ZDBF2: variants seen among roughly 807,000 people sequenced by gnomAD.
The protein encoded by ZDBF2 is zinc finger DBF-type containing 2, also known as DBF4-type zinc finger-containing protein 2.
In ZDBF2, 6 loss-of-function variants were observed where a neutral mutation model predicts 9.4. That is an observed-to-expected ratio of 0.64 (90% CI 0.35 to 1.27). The LOEUF (loss-of-function observed/expected upper bound fraction) is 1.27, where lower values mean the gene tolerates loss of function less well. Among genes scored for constraint, ZDBF2 ranks in the 50% most tolerant of loss-of-function variants. The pLI is 0.03. For synonymous variants in ZDBF2, 905 were observed against 946.3 expected, an observed-to-expected ratio of 0.96 and a Z score of 0.80; for missense variants, 2,697 against 2,766.8, an observed-to-expected ratio of 0.97 and a Z score of 0.57.
Position 206,306,916 on chromosome 2 carries a change from T to G in ZDBF2, c.2388T>G (p.Ile796Met). The G allele has an allele frequency of 6.2e-7, 1 of 1,613,748 alleles. No homozygotes were observed. Among genetic ancestry groups the G allele is most frequent in the Non-Finnish European group, 8.5e-7 (1 of 1,179,784 alleles). Residue 796 changes from isoleucine to methionine, a missense_variant, in exon 5 of 5, where the codon ATT becomes ATG. Physicochemically the swap from Ile to Met is conservative, Grantham distance 10 (BLOSUM62 1). This residue lies in a region of ZDBF2 where 910 missense variants were observed against 973.6 expected (regional missense o/e 0.93). Transcript: ENST00000374423. ...CTGAAATAACTTTTGATTCTGATAT[T>G]CCTCTTTATTCAGTAATTGACCAAC... ...DSSEITFDSDIPLYSVIDQPE... is the reference protein window; with the variant it reads ...DSSEITFDSDMPLYSVIDQPE...
chr2:206,289,705 CAG>C (rs1399956267), intron 3 of ZDBF2, among the ~76,000 whole-genome samples: 1 of 152,238 alleles, frequency 6.6e-6, no homozygotes, highest in Non-Finnish European at 1.5e-5. Flanking sequence ...CTTCTTCTCT[CAG>C]GGGAACACAG....
Position 206,304,847 on chromosome 2 carries a change from C to A in ZDBF2, c.319C>A (p.Pro107Thr), listed in dbSNP as rs749116046. The A allele has an allele frequency of 8.1e-6, 13 of 1,613,684 alleles. No homozygotes were observed. The South Asian group carries it at 9.9e-5, about 12-fold the overall frequency. ...GGATGAGGATGCTACCGAAGAGAGA[C>A]CATCCGAGGTTTCAGAACCTATTGA... is the stretch of plus-strand genomic sequence containing the variant. ...VEDEDATEER[P>T]SEVSEPIEEL... Residue 107 changes from proline (P) to threonine (T), a missense_variant, in exon 5 of 5, where the codon CCA (proline) becomes ACA (threonine). Transcript: ENST00000374423.
At chr2:206,289,972 C>T (rs1295805052) in intron 3 of ZDBF2, among the ~76,000 whole-genome samples, 2 of 152,166 alleles carry the variant, frequency 1.3e-5, no homozygotes. Context: ...TTCTGTTTCT[C>T]CTCTGATGCA....
At chr2:206,275,427 G>C (rs1479868349) in intron 1 of ZDBF2, among the ~76,000 whole-genome samples, 1 of 146,976 alleles carries the variant, frequency 6.8e-6, no homozygotes, top group Non-Finnish European at 1.5e-5. Flanking sequence ...TCCCAGCCTC[G>C]GGCGATTATA....
chr2:206,275,600 G>GA (rs1274415480), intron 1 of ZDBF2, among the ~76,000 whole-genome samples: 3 of 152,038 alleles, frequency 2.0e-5, no homozygotes, highest in Non-Finnish European at 4.4e-5. Flanking sequence ...GGTAGCTCGT[G>GA]AAAAAAATGC....
rs1441878452 is a variant in ZDBF2 at position 206,308,824 on chromosome 2, A to C, written c.4296A>C (p.Ile1432=). The part of the protein sequence containing the change: ...TDQSSVPVKE[I]NLQKKDHNDL... ...AATCTTCTGTACCTGTCAAAGAAATAAACTTGCAAAAGAAGGATCATAATG... is the reference window on the plus strand; with the variant it reads ...AATCTTCTGTACCTGTCAAAGAAATCAACTTGCAAAAGAAGGATCATAATG... The change falls in exon 5 of 5, where the codon ATA becomes ATC. Residue 1432 remains isoleucine, a synonymous_variant. Transcript: ENST00000374423. The C allele has an allele frequency of 1.2e-6, 2 of 1,613,748 alleles. No individual in the cohort carries two copies. Among genetic ancestry groups the C allele is most frequent in the Admixed American group, 1.7e-5 (1 of 59,976 alleles).
chr2:206,309,684 C>T lies in ZDBF2; in HGVS notation c.5156C>T (p.Ala1719Val), dbSNP rs776122535. ...AVDFGASSKS[A>V]LHRRADKKKR... ...GATTTTGGTGCCTCTTCCAAGTCAG[C>T]GCTCCATCGAAGGGCTGATAAAAAA... The change falls in exon 5 of 5, where the codon GCG (alanine) becomes GTG (valine). Residue 1719 changes from alanine to valine, a missense_variant. Ala to Val is a moderately conservative substitution (Grantham distance 64). Transcript: ENST00000374423. The T allele has an allele frequency of 3.3e-5, 54 of 1,613,770 alleles. No individual in the cohort carries two copies. The African/African-American group carries it at 4.0e-4, about 12-fold the overall frequency.
In ZDBF2 at chr2:206,305,663, C is replaced by G. The variant is rs747694661; in HGVS notation, c.1135C>G (p.Gln379Glu). The G allele has an allele frequency of 4.0e-5, 64 of 1,613,526 alleles. No homozygotes were observed. The highest frequency in any genetic ancestry group is 5.2e-5 in the Non-Finnish European group (61 of 1,179,770). ...TCTTCAGTCAGCATCTGATCAGCCC[C>G]AAGAGACTGCACAAGACTTAAGTCT... is the stretch of plus-strand genomic sequence containing the variant. The part of the protein sequence containing the change: ...ISLQSASDQP[Q>E]ETAQDLSLWK... The change falls in exon 5 of 5, where the codon CAA becomes GAA. Residue 379 changes from glutamine (Q) to glutamate (E), a missense_variant. This residue lies in a region of ZDBF2 where 910 missense variants were observed against 973.6 expected (regional missense o/e 0.93). Coordinates refer to ENST00000374423, the MANE Select transcript of ZDBF2 (RefSeq NM_020923.3).
Position 206,311,035 on chromosome 2 carries a change from A to C in ZDBF2, c.6507A>C (p.Glu2169Asp). Residue 2169 changes from glutamate (E) to aspartate (D), a missense_variant, in exon 5 of 5, where the codon GAA (glutamate) becomes GAC (aspartate). By Grantham distance (45) the Glu-to-Asp change is conservative (BLOSUM62 2). Coordinates refer to ENST00000374423, the MANE Select transcript of ZDBF2 (RefSeq NM_020923.3). ...SPKSVRNKLL[E>D]SQSKKKIHGK... ...AATCAGTTAGAAATAAGCTTTTGGA[A>C]AGTCAAAGTAAAAAGAAAATTCATG... is the stretch of plus-strand genomic sequence containing the variant. 1 of 1,609,840 alleles carries C rather than the reference A, an allele frequency of 6.2e-7. No individual in the cohort carries two copies. Among genetic ancestry groups the C allele is most frequent in the Non-Finnish European group, 8.5e-7 (1 of 1,178,938 alleles).
In ZDBF2 at chr2:206,310,474, A is replaced by G; in HGVS notation, c.5946A>G (p.Lys1982=). 1 of 1,613,758 alleles carries G rather than the reference A, an allele frequency of 6.2e-7. No homozygotes were observed. The highest frequency in any genetic ancestry group is 8.5e-7 in the Non-Finnish European group (1 of 1,179,858). Residue 1982 remains lysine, a synonymous_variant, in exon 5 of 5, where the codon AAA becomes AAG. Transcript: ENST00000374423. ...GTTTACAGGATGACAGAAAAACCAA[A>G]AAGAAAGTCAAAATTGGGACAGTTG... ...CSRLQDDRKT[K]KKVKIGTVEF... is the part of the protein sequence containing the mutation.
rs1312545451 is a variant in ZDBF2 at position 206,308,342 on chromosome 2, G to A, written c.3814G>A (p.Asp1272Asn). Residue 1272 changes from aspartate to asparagine, a missense_variant, in exon 5 of 5, where the codon GAC (aspartate) becomes AAC (asparagine). By Grantham distance (23) the Asp-to-Asn change is conservative (BLOSUM62 1). Coordinates refer to ENST00000374423, the MANE Select transcript of ZDBF2 (RefSeq NM_020923.3). The part of the protein sequence containing the change: ...KEVSLWKEHV[D>N]LENKIVKPTD... ...GGTCAGTCTTTGGAAAGAGCATGTT[G>A]ACTTGGAAAATAAGATTGTCAAACC... 6.2e-7 allele frequency: 1 copy of A among 1,613,100 alleles called. No homozygotes were observed. The highest frequency in any genetic ancestry group is 8.5e-7 in the Non-Finnish European group (1 of 1,179,654).
chr2:206,299,711 C>T (rs1211992261), intron 4 of ZDBF2, among the ~76,000 whole-genome samples: 3 of 151,972 alleles, frequency 2.0e-5, no homozygotes, highest in Admixed American at 6.6e-5. Flanking sequence ...CACTTGACTA[C>T]AGGAGTTGGA....
At chr2:206,285,060 A>G (rs1328673223) in intron 3 of ZDBF2, among the ~76,000 whole-genome samples, 2 of 152,104 alleles carry the variant, frequency 1.3e-5, no homozygotes, top group Admixed American at 6.6e-5. Context: ...ATGGACACTT[A>G]GATTGATTCT....
rs753900138 is a variant in ZDBF2, at chr2:206,310,941, G to A, written c.6413G>A (p.Arg2138His). Residue 2138 changes from arginine to histidine, a missense_variant, in exon 5 of 5, where the codon CGT becomes CAT. Coordinates refer to ENST00000374423, the MANE Select transcript of ZDBF2 (RefSeq NM_020923.3). ...GAAGAATCAAAGGTTCTGCATGCTC[G>A]TGAGCTTCCAAAGAAAAGAAATTTC... ...FLEESKVLHARELPKKRNFQL... is the reference protein window; with the variant it reads ...FLEESKVLHAHELPKKRNFQL... The A allele has an allele frequency of 3.7e-6, 6 of 1,613,574 alleles. No homozygotes were observed. Among genetic ancestry groups the A allele is most frequent in the Admixed American group, 1.7e-5 (1 of 59,974 alleles).
intron 1 of ZDBF2, among the ~76,000 whole-genome samples, chr2:206,278,948 G>A (rs990303617): frequency 6.6e-6 from 1 of 152,294 alleles, no homozygotes; most frequent in Non-Finnish European, 1.5e-5. Context: ...ATGGAACTCT[G>A]TGCTGAGTGG....
At chr2:206,304,000 G>A (rs532765070) in intron 4 of ZDBF2, among the ~76,000 whole-genome samples, 32 of 151,932 alleles carry the variant, frequency 2.1e-4, no homozygotes, top group South Asian at 4.2e-4. Context: ...CCCTCCCTCC[G>A]CTCAAAAGTA....
Position 206,310,719 on chromosome 2 carries a change from C to T in ZDBF2, c.6191C>T (p.Pro2064Leu), listed in dbSNP as rs756714167. The T allele has an allele frequency of 1.2e-6, 2 of 1,613,468 alleles. No individual in the cohort carries two copies. Among genetic ancestry groups the T allele is most frequent in the Non-Finnish European group, 1.7e-6 (2 of 1,179,824 alleles). Residue 2064 changes from proline (P) to leucine (L), a missense_variant, in exon 5 of 5, where the codon CCT (proline) becomes CTT (leucine). This residue lies in a region of ZDBF2 where 1,783 missense variants were observed against 1,776.5 expected (regional missense o/e 1.00). Transcript: ENST00000374423. ...TTGATTAAGCAAATTGTAATTAGTC[C>T]TCCCCTGAGTGTAATAGTACCAGAG... ...EPLIKQIVIS[P>L]PLSVIVPEFE...
chr2:206,294,744 G>C (rs142001399), intron 3 of ZDBF2, among the ~76,000 whole-genome samples: 1 of 152,232 alleles, frequency 6.6e-6, no homozygotes, highest in African/African-American at 2.4e-5. Context: ...AGAATATGTG[G>C]TATTTGGTTT....
chr2:206,284,299 TTTG>T (rs962847998), intron 3 of ZDBF2, among the ~76,000 whole-genome samples: 4 of 152,180 alleles, frequency 2.6e-5, no homozygotes, highest in Non-Finnish European at 4.4e-5. Context: ...TTTATATTGA[TTTG>T]TTTACTTTTA....
Sources: allele counts gnomAD v4.1 joint callset (sites outside exome capture counted in the v4.1 genomes callset), GRCh38; gene constraint gnomAD v4.1.1; regional missense constraint gnomAD v4.1.1; transcripts MANE v1.5; gene names NCBI Gene and HGNC (gene_info 2026-07-23, HGNC 2026-07-21).